Variants in MYH7 observed in about 807,000 individuals in gnomAD.
The protein encoded by MYH7 is myosin-7.
In MYH7, 129 loss-of-function variants were observed where a neutral mutation model predicts 225.4. The observed-to-expected ratio is 0.57, with a 90% CI of 0.50 to 0.66. The LOEUF (loss-of-function observed/expected upper bound fraction) is 0.66. Ranked by LOEUF, MYH7 falls within the 30% of genes least tolerant of loss-of-function variation. MYH7 has a pLI of 0.00. For synonymous variants in MYH7, 971 were observed against 1,007.6 expected, an observed-to-expected ratio of 0.96 and a Z score of 0.69; for missense variants, 1,649 against 2,517.0, an observed-to-expected ratio of 0.66 and a Z score of 7.38.
At chr14:23,430,730 G>T in intron 10 of MYH7, 67 bp from the exon 11 acceptor site, 1 of 1,417,544 alleles carries the variant, frequency 7.1e-7, no homozygotes, top group Non-Finnish European at 1.0e-6. Context: ...GCTCGCCACA[G>T]CACATGGCCT....
intron 17 of MYH7, 139 bp from the exon 18 acceptor site, chr14:23,427,003 C>A: frequency 1.1e-6 from 1 of 884,648 alleles, no homozygotes. Context: ...TGGGGGCAGA[C>A]AGGGATAAGG....
chr14:23,433,667 C>T lies in MYH7; in HGVS notation c.66G>A (p.Glu22=). ...AAPYLRKSEK[E]RLEAQTRPFD... Reference sequence around the variant, plus strand: ...AAGGCCTGGTCTGCGCTTCTAGCCGCTCCTTCTCTGACTTGCGCAGGTAGG... The same window carrying T: ...AAGGCCTGGTCTGCGCTTCTAGCCGTTCCTTCTCTGACTTGCGCAGGTAGG... Residue 22 remains glutamate (E), a synonymous_variant, in exon 3 of 40, where the codon GAG becomes GAA. Transcript: ENST00000355349. The surrounding 1 kb of genome is among the most constrained non-coding windows in gnomAD (Gnocchi z 4.1). 6.2e-7 allele frequency: 1 copy of T among 1,614,294 alleles called. No individual in the cohort carries two copies. The highest frequency in any genetic ancestry group is 1.1e-5 in the South Asian group (1 of 91,092).
In MYH7 at chr14:23,414,964, G is replaced by A. The variant is rs201323837; in HGVS notation, c.5559+31C>T. Reference sequence around the variant, plus strand: ...GGTTGTCACTGTGGCTATGGTGCCAGGGCTCTGCCTGGAGTCACCGCCCGT... The same window carrying A: ...GGTTGTCACTGTGGCTATGGTGCCAAGGCTCTGCCTGGAGTCACCGCCCGT... On this transcript the variant is annotated intron_variant, in intron 37 of 39. Transcript: ENST00000355349. 7.5e-6 allele frequency: 12 copies of A among 1,602,842 alleles called. No individual in the cohort carries two copies. The Admixed American group carries it at 1.2e-4, about 16-fold the overall frequency.
intron 24 of MYH7, 129 bp from the exon 25 acceptor site, chr14:23,422,454 A>G: frequency 8.2e-7 from 1 of 1,222,242 alleles, no homozygotes; most frequent in Non-Finnish European, 1.2e-6. Flanking sequence ...AGAGTGGGCC[A>G]AATGTTATTA....
At chr14:23,413,437 A>T (rs1041134665) in intron 39 of MYH7, among the ~76,000 whole-genome samples, 1 of 152,184 alleles carries the variant, frequency 6.6e-6, no homozygotes, top group Non-Finnish European at 1.5e-5. Flanking sequence ...TTAGCTAGAC[A>T]TGGTAGCACA....
Position 23,418,275 on chromosome 14 carries a change from C to T in MYH7, c.4104G>A (p.Val1368=). ...QRVLSKANSE[V]AQWRTKYETD... ...TCTCATACTTGGTCCTCCACTGGGCCACCTCCGAGTTGGCCTTGGAAAGGA... is the reference window on the plus strand; with the variant it reads ...TCTCATACTTGGTCCTCCACTGGGCTACCTCCGAGTTGGCCTTGGAAAGGA... Residue 1368 remains valine (V), a synonymous_variant, in exon 30 of 40, where the codon GTG becomes GTA. Coordinates refer to ENST00000355349, the MANE Select transcript of MYH7 (RefSeq NM_000257.4). 6.2e-7 allele frequency: 1 copy of T among 1,613,666 alleles called. No individual in the cohort carries two copies. The highest frequency in any genetic ancestry group is 8.5e-7 in the Non-Finnish European group (1 of 1,180,054).
chr14:23,416,748 GCT>G, intron 33 of MYH7, 118 bp downstream of exon 33: 2 of 1,507,462 alleles, frequency 1.3e-6, no homozygotes, highest in East Asian at 4.6e-5. Flanking sequence ...TATGTGCCAG[GCT>G]CTGTCCTAGG....
intron 6 of MYH7, 128 bp from the exon 7 acceptor site, chr14:23,431,997 C>T (rs1250463893): frequency 1.7e-5 from 16 of 932,376 alleles, no homozygotes; most frequent in South Asian, 2.8e-5. Flanking sequence ...AGGTTATCTA[C>T]ACCCAAAATC....
intron 24 of MYH7, 130 bp downstream of exon 24, chr14:23,423,417 C>A (rs892581965): frequency 3.9e-6 from 5 of 1,277,632 alleles, no homozygotes; most frequent in East Asian, 4.7e-5. Context: ...AACCCTACCC[C>A]CCTCTAAACA....
rs1295046089 is a variant in MYH7, at chr14:23,422,263, C to G, written c.3162G>C (p.Lys1054Asn). 1.2e-6 allele frequency: 2 copies of G among 1,614,142 alleles called. No homozygotes were observed. The highest frequency in any genetic ancestry group is 8.5e-7 in the Non-Finnish European group (1 of 1,180,010). ...VRMDLERAKRKLEGDLKLTQE... is the reference protein window; with the variant it reads ...VRMDLERAKRNLEGDLKLTQE... ...GGGTCAGCTTCAGGTCGCCCTCCAG[C>G]TTCCGCTTCGCTCGCTCCAGGTCCA... Residue 1054 changes from lysine (K) to asparagine (N), a missense_variant, in exon 25 of 40, where the codon AAG becomes AAC. Lys to Asn is a moderately conservative substitution (Grantham distance 94, BLOSUM62 0). This residue lies in a region of MYH7 where 282 missense variants were observed against 315.3 expected (regional missense o/e 0.89). Transcript: ENST00000355349.
Position 23,423,891 on chromosome 14 carries a change from A to C in MYH7, c.2922+16T>G. 1 of 1,613,856 alleles carries C rather than the reference A, an allele frequency of 6.2e-7. No homozygotes were observed. The highest frequency in any genetic ancestry group is 8.5e-7 in the Non-Finnish European group (1 of 1,180,010). The stretch of plus-strand genomic sequence containing the variant: ...CTGATGAGACCCGGGCTGGAGCCAA[A>C]GGGAGCTGCCCTTACCTTGTTCTCT... On this transcript the variant is annotated intron_variant, in intron 23 of 39. Coordinates refer to ENST00000355349, the MANE Select transcript of MYH7 (RefSeq NM_000257.4).
rs727504325 is a variant in MYH7 at position 23,418,234 on chromosome 14, C to T, written c.4145G>A (p.Arg1382Gln). The T allele has an allele frequency of 9.3e-6, 15 of 1,613,394 alleles. No homozygotes were observed. Among genetic ancestry groups the T allele is most frequent in the Middle Eastern group, 3.6e-4 (2 of 5,490 alleles). ...RTKYETDAIQRTEELEEAKKK... is the reference protein window; with the variant it reads ...RTKYETDAIQQTEELEEAKKK... ...CTTGGCCTCCTCGAGCTCCTCAGTC[C>T]GCTGAATGGCGTCCGTCTCATACTT... The change falls in exon 30 of 40, where the codon CGG becomes CAG. Residue 1382 changes from arginine (R) to glutamine (Q), a missense_variant. This residue lies in a region of MYH7 where 687 missense variants were observed against 913.8 expected (regional missense o/e 0.75). Transcript: ENST00000355349.
rs111844761 is a variant in MYH7, at chr14:23,418,121, C to T, written c.4169+89G>A. On this transcript the variant is annotated intron_variant, in intron 30 of 39. Coordinates refer to ENST00000355349, the MANE Select transcript of MYH7 (RefSeq NM_000257.4). ...GTGTTGTCAAACACTAGCTAAGCAT[C>T]GCCTGTGTGGGATCTGCTGAGGCTG... 77 of 1,577,766 alleles carry T rather than the reference C, an allele frequency of 4.9e-5. No homozygotes were observed. The African/African-American group carries it at 5.0e-4, about 10-fold the overall frequency.
intron 24 of MYH7, among the ~76,000 whole-genome samples, chr14:23,422,662 C>T (rs564484028): frequency 2.4e-5 from 3 of 127,566 alleles, no homozygotes; most frequent in South Asian, 2.8e-4. Context: ...TATGGAGTCT[C>T]ACTCTGTCGC....
Position 23,429,917 on chromosome 14 carries a change from T to C in MYH7, c.1000-4A>G. The stretch of plus-strand genomic sequence containing the variant: ...AGCCCAGCACATCAAAAGCGTTCTG[T>C]AGGGAGGCCCCATATTGGCGGACCC... On this transcript the variant is annotated splice_polypyrimidine_tract_variant and splice_region_variant and intron_variant, in intron 11 of 39. Transcript: ENST00000355349. The C allele has an allele frequency of 6.2e-7, 1 of 1,613,968 alleles. No homozygotes were observed. The highest frequency in any genetic ancestry group is 8.5e-7 in the Non-Finnish European group (1 of 1,179,976).
intron 1 of MYH7, among the ~76,000 whole-genome samples, chr14:23,434,981 G>A (rs541579657): frequency 1.3e-5 from 2 of 151,942 alleles, no homozygotes; most frequent in East Asian, 1.9e-4. Context: ...AACAGCAAAT[G>A]TGCACATTTC....
rs1555336580 is a variant in MYH7, at chr14:23,416,945, T to C, written c.4567A>G (p.Ile1523Val). The change falls in exon 33 of 40, where the codon ATC becomes GTC. Residue 1523 changes from isoleucine (I) to valine (V), a missense_variant. This residue lies in a region of MYH7 where 687 missense variants were observed against 913.8 expected (regional missense o/e 0.75). Transcript: ENST00000355349. ...TEQLGSSGKT[I>V]HELEKVRKQL... ...TTTCGGACCTTCTCCAGCTCATGGATAGTCTTTCCGCTGGAACCCAACTGC... is the reference window on the plus strand; with the variant it reads ...TTTCGGACCTTCTCCAGCTCATGGACAGTCTTTCCGCTGGAACCCAACTGC... 1 of 1,614,246 alleles carries C rather than the reference T, an allele frequency of 6.2e-7. No individual in the cohort carries two copies. The highest frequency in any genetic ancestry group is 1.3e-5 in the African/African-American group (1 of 75,052).
chr14:23,421,830 C>A (rs1892484087), intron 25 of MYH7: 4 of 973,872 alleles, frequency 4.1e-6, no homozygotes, highest in Middle Eastern at 5.3e-4. Context: ...CACAAAGGGA[C>A]TTTCCTAAGA....
chr14:23,422,394 A>G, intron 24 of MYH7, 69 bp from the exon 25 acceptor site: 1 of 1,607,772 alleles, frequency 6.2e-7, no homozygotes, highest in Non-Finnish European at 8.5e-7. Flanking sequence ...TTGTTCAGTT[A>G]CCTCAGGACT....
Sources: gnomAD v4.1 joint callset for allele counts (sites outside exome capture counted in the v4.1 genomes callset) on GRCh38, gnomAD v4.1.1 for gene constraint, gnomAD v4.1.1 regional missense constraint, Gnocchi (gnomAD v3.1) non-coding constraint, MANE v1.5 for transcripts, NCBI Gene and HGNC (gene_info 2026-07-23, HGNC 2026-07-21) for gene names.